Variants in SMOC1 observed in about 807,000 individuals in gnomAD.
The protein encoded by SMOC1 is SPARC-related modular calcium-binding protein 1.
In SMOC1, 22 loss-of-function variants were observed where a neutral mutation model predicts 56.3. The ratio of observed to expected loss-of-function variants is 0.39; its 90% CI spans 0.28 to 0.56. The LOEUF (loss-of-function observed/expected upper bound fraction) is 0.56, where lower values mean the gene tolerates loss of function less well. Ranked by LOEUF, SMOC1 falls within the 20% of genes least tolerant of loss-of-function variation. The pLI, the probability that SMOC1 is intolerant of heterozygous loss-of-function variation, is 0.61. For missense variants in SMOC1, 509 were observed against 565.4 expected, an observed-to-expected ratio of 0.90 and a Z score of 1.01; for synonymous variants, 193 against 215.0, an observed-to-expected ratio of 0.90 and a Z score of 0.89.
intron 1 of SMOC1, among the ~76,000 whole-genome samples, chr14:69,894,121 C>A (rs1021602728): frequency 5.3e-5 from 8 of 152,208 alleles, no homozygotes; most frequent in African/African-American, 1.7e-4. Context: ...GCAGCCCTAG[C>A]AAACTAATAC....
chr14:69,900,475 A>C (rs566291975), intron 1 of SMOC1, among the ~76,000 whole-genome samples: 1 of 152,342 alleles, frequency 6.6e-6, no homozygotes, highest in Admixed American at 6.5e-5. Flanking sequence ...AATGGACAGC[A>C]CTTATAACAC....
At chr14:70,002,460 C>T (rs980395254) in intron 7 of SMOC1, among the ~76,000 whole-genome samples, 9 of 152,218 alleles carry the variant, frequency 5.9e-5, no homozygotes, top group Non-Finnish European at 1.2e-4. Flanking sequence ...CTGGTAGAGC[C>T]TTTCCTTTTC....
At chr14:69,944,366 C>G (rs1394078173) in intron 1 of SMOC1, among the ~76,000 whole-genome samples, 1 of 152,150 alleles carries the variant, frequency 6.6e-6, no homozygotes, top group East Asian at 1.9e-4. Context: ...TGTGCACAGT[C>G]CAGAGGTAGG....
intron 11 of SMOC1, among the ~76,000 whole-genome samples, chr14:70,027,408 C>T (rs1419877475): frequency 6.6e-6 from 1 of 151,904 alleles, no homozygotes; most frequent in Non-Finnish European, 1.5e-5. Flanking sequence ...AGAGGGGGAG[C>T]AGACCAGCCT....
At chr14:69,923,949 G>T (rs1453020134) in intron 1 of SMOC1, among the ~76,000 whole-genome samples, 2 of 151,582 alleles carry the variant, frequency 1.3e-5, no homozygotes, top group Non-Finnish European at 3.0e-5. Context: ...TGGTCGGGCT[G>T]CCTTCACCAA....
intron 7 of SMOC1, among the ~76,000 whole-genome samples, chr14:70,010,030 G>A (rs1885279211): frequency 6.6e-6 from 1 of 152,198 alleles, no homozygotes; most frequent in African/African-American, 2.4e-5. Context: ...TCTCAGCCGG[G>A]GACTGGCTCG....
At chr14:69,984,735 A>G (rs1884305226) in intron 5 of SMOC1, among the ~76,000 whole-genome samples, 1 of 151,912 alleles carries the variant, frequency 6.6e-6, no homozygotes, top group Non-Finnish European at 1.5e-5. Context: ...CGTGCCTGTA[A>G]TCCCAGCTAC....
intron 5 of SMOC1, among the ~76,000 whole-genome samples, chr14:69,984,438 G>GA (rs1187315062): frequency 4.6e-5 from 7 of 152,044 alleles, no homozygotes; most frequent in Non-Finnish European, 7.4e-5. Context: ...AGAGAATTAA[G>GA]AAAAAACTAC....
intron 6 of SMOC1, among the ~76,000 whole-genome samples, chr14:69,992,705 C>T (rs1398179796): frequency 6.6e-6 from 1 of 152,244 alleles, no homozygotes; most frequent in African/African-American, 2.4e-5. Context: ...GGCTTCCTGC[C>T]TGTCTCCTGG....
intron 3 of SMOC1, among the ~76,000 whole-genome samples, chr14:69,961,272 G>GTGTGTATATA (rs1447169812): frequency 1.2e-4 from 9 of 74,984 alleles, no homozygotes; most frequent in African/African-American, 5.5e-4. Flanking sequence ...ATTCTATTGT[G>GTGTGTATATA]TATATATATA....
At chr14:70,001,674 A>G (rs956756256) in intron 7 of SMOC1, among the ~76,000 whole-genome samples, 1 of 152,196 alleles carries the variant, frequency 6.6e-6, no homozygotes, top group Non-Finnish European at 1.5e-5. Flanking sequence ...TTGCTCCACA[A>G]TGCTACCTTA....
chr14:69,924,277 T>C (rs1415980507), intron 1 of SMOC1, among the ~76,000 whole-genome samples: 2 of 152,204 alleles, frequency 1.3e-5, no homozygotes, highest in Non-Finnish European at 2.9e-5. Flanking sequence ...ATGCATTGGC[T>C]GCATGCACAC....
chr14:69,952,856 T>G (rs1883053610), intron 2 of SMOC1, among the ~76,000 whole-genome samples: 1 of 152,222 alleles, frequency 6.6e-6, no homozygotes. Context: ...TTGTCCAGTT[T>G]GCCACAGTCT....
chr14:69,897,479 CTCT>C (rs1002667132), intron 1 of SMOC1, among the ~76,000 whole-genome samples: 62 of 151,080 alleles, frequency 4.1e-4, no homozygotes, highest in African/African-American at 1.4e-3. Context: ...GCCTATTTTT[CTCT>C]TCAACTCATT....
At chr14:69,903,913 A>AG (rs1566667488) in intron 1 of SMOC1, among the ~76,000 whole-genome samples, 2 of 152,026 alleles carry the variant, frequency 1.3e-5, no homozygotes, top group African/African-American at 4.8e-5. Flanking sequence ...AAAAAAAAAA[A>AG]AAAGAAAGAA....
intron 1 of SMOC1, among the ~76,000 whole-genome samples, chr14:69,920,020 G>GCATGCTCTCT (rs1884794256): frequency 6.6e-6 from 1 of 151,502 alleles, no homozygotes; most frequent in South Asian, 2.1e-4. Context: ...AGGCATGGAT[G>GCATGCTCTCT]CATGCTCTCT....
intron 10 of SMOC1, among the ~76,000 whole-genome samples, chr14:70,018,374 G>A (rs1020811): frequency 0.15 from 22,228 of 152,182 alleles, 1,889 homozygotes; most frequent in African/African-American, 0.22. Context: ...TCCCTTTTCT[G>A]GCCTGATTTA....
At chr14:69,992,824 C>T (rs1257397591) in intron 6 of SMOC1, among the ~76,000 whole-genome samples, 1 of 152,092 alleles carries the variant, frequency 6.6e-6, no homozygotes, top group Non-Finnish European at 1.5e-5. Flanking sequence ...AATTAATTGG[C>T]ACTTGCAAGT....
intron 1 of SMOC1, among the ~76,000 whole-genome samples, chr14:69,922,932 C>CTTTTTTTTTTTTTTTTT (rs536127994): frequency 6.1e-5 from 9 of 147,704 alleles, no homozygotes; most frequent in African/African-American, 2.1e-4. Flanking sequence ...TCTCAGCCCT[C>CTTTTTTTTTTTTTTTTT]TTTTTTTTGT....
Sources: allele counts gnomAD v4.1 joint callset (sites outside exome capture counted in the v4.1 genomes callset), GRCh38; gene constraint gnomAD v4.1.1; transcripts MANE v1.5; gene names NCBI Gene and HGNC (gene_info 2026-07-23, HGNC 2026-07-21).